The following PHEX variants were observed in gnomAD, a reference collection of about 807,000 sequenced individuals.
PHEX encodes phosphate-regulating neutral endopeptidase PHEX.
Under a neutral mutation model 68.0 loss-of-function variants are expected in PHEX, and 16 were observed. The observed-to-expected ratio is 0.24, with a 90% CI of 0.16 to 0.36. PHEX has a LOEUF of 0.36. PHEX is among the 10% of genes least tolerant of loss of function. PHEX has a pLI of 1.00. For missense variants in PHEX, 480 were observed against 575.5 expected (o/e 0.83, Z 1.70); for synonymous variants, 208 against 205.1 (o/e 1.01, Z -0.12).
At chrX:22,223,514 G>T (rs1381085519) in intron 18 of PHEX, among the ~76,000 whole-genome samples, 1 of 111,935 alleles carries the variant, frequency 8.9e-6, no homozygotes, top group African/African-American at 3.3e-5. Flanking sequence ...GAAGGCCAAG[G>T]TGGGAGGATC....
intron 18 of PHEX, among the ~76,000 whole-genome samples, chrX:22,225,674 C>A (rs1408163257): frequency 2.7e-5 from 3 of 112,340 alleles, no homozygotes; most frequent in Non-Finnish European, 3.8e-5. Context: ...TCATGTGCCA[C>A]CACAATATTA....
rs1012115232 is a variant in PHEX at position 22,212,849 on chromosome X, T to C, written c.1646-55T>C. The C allele has an allele frequency of 1.1e-5, 10 of 916,409 alleles. No homozygotes were observed. In the Admixed American group the frequency reaches 1.3e-4, roughly 12 times the overall value. 75.5% of individuals were successfully genotyped at this position (916,409 alleles called of 1,213,427 possible). ...CCTCAGTGTTATAGCTAGAACCAGGTACTCATCATTGAATCAATCTCTCTA... is the reference window on the plus strand; with the variant it reads ...CCTCAGTGTTATAGCTAGAACCAGGCACTCATCATTGAATCAATCTCTCTA... On this transcript the variant is annotated intron_variant, in intron 15 of 21. Coordinates refer to ENST00000379374, the MANE Select transcript of PHEX (RefSeq NM_000444.6).
In PHEX at chrX:22,249,208, C is replaced by CGTGTGTGTGTGTGTGTGTGTGTGTGT. The variant is rs59496974; in HGVS notation, c.*1262_*1287dup. On this transcript the variant is annotated 3_prime_UTR_variant, in exon 22 of 22. Coordinates refer to ENST00000379374, the MANE Select transcript of PHEX (RefSeq NM_000444.6). ...AGTGAACTCCTTTCTTATTACTGAG[C>CGTGTGTGTGTGTGTGTGTGTGTGTGT]GTGTGTGTGTGTGTGTGTGTGTGTG... 9.3e-5 allele frequency: 8 copies of CGTGTGTGTGTGTGTGTGTGTGTGTGT among 86,050 alleles called. No homozygotes were observed. Among genetic ancestry groups the CGTGTGTGTGTGTGTGTGTGTGTGTGT allele is most frequent in the African/African-American group, 3.9e-4 (8 of 20,418 alleles). 7.1% of individuals were successfully genotyped at this position (86,050 alleles called of 1,213,427 possible).
chrX:22,141,720 G>A (rs770429901), intron 12 of PHEX, among the ~76,000 whole-genome samples: 8 of 111,476 alleles, frequency 7.2e-5, no homozygotes, highest in African/African-American at 2.6e-4. Flanking sequence ...AAAAATCTAT[G>A]CTCATTTAAA....
intron 18 of PHEX, among the ~76,000 whole-genome samples, chrX:22,224,246 G>A (rs1218415877): frequency 8.9e-6 from 1 of 111,857 alleles, no homozygotes; most frequent in Non-Finnish European, 1.9e-5. Context: ...GCCTCCCGAA[G>A]TGCTGGGATT....
At chrX:22,157,804 AG>A (rs1475571866) in intron 12 of PHEX, among the ~76,000 whole-genome samples, 1 of 111,695 alleles carries the variant, frequency 9.0e-6, no homozygotes, top group Non-Finnish European at 1.9e-5. Flanking sequence ...CATGGGGTTG[AG>A]GGTGGATGAC....
intron 18 of PHEX, 144 bp from the exon 19 acceptor site, chrX:22,226,299 T>G: frequency 2.1e-6 from 1 of 484,140 alleles, no homozygotes; most frequent in Non-Finnish European, 3.6e-6. Context: ...TACAATATAT[T>G]ATGCCTACCT....
chrX:22,224,144 G>A lies in PHEX; in HGVS notation c.1900-2299G>A, dbSNP rs745823671. ...ATTACAGGTGCCAGCCACCACGCCT[G>A]GCTGATTTTTGTATTTTTAATAGAT... On this transcript the variant is annotated intron_variant, in intron 18 of 21. Transcript: ENST00000379374. 2.7e-5 allele frequency among the ~76,000 whole-genome samples: 3 copies of A among 111,345 alleles called. No homozygotes were observed. In the South Asian group the frequency reaches 1.2e-3, roughly 43 times the overall value.
At chrX:22,044,871 T>A (rs1410872582) in intron 2 of PHEX, among the ~76,000 whole-genome samples, 1 of 110,856 alleles carries the variant, frequency 9.0e-6, no homozygotes, top group Non-Finnish European at 1.9e-5. Flanking sequence ...TTTATTTTTT[T>A]ATTTTTTTAA....
At chrX:22,235,035 T>G (rs1935923825) in intron 20 of PHEX, among the ~76,000 whole-genome samples, 1 of 110,548 alleles carries the variant, frequency 9.0e-6, no homozygotes, top group Non-Finnish European at 1.9e-5. Context: ...TGGACTGGAG[T>G]GCACGGTTCC....
In PHEX at chrX:22,232,714, C is replaced by T. The variant is rs1004773606; in HGVS notation, c.2070+5103C>T. Among the ~76,000 whole-genome samples, 13 of 102,573 alleles carry T rather than the reference C, an allele frequency of 1.3e-4. No individual in the cohort carries two copies. In the East Asian group the frequency reaches 3.9e-3, roughly 30 times the overall value. 89.1% of individuals were successfully genotyped at this position (102,573 alleles called of 115,157 possible). A position where few individuals can be genotyped will look rare whatever the true frequency, so the allele number is the denominator to read the frequency against. The stretch of plus-strand genomic sequence containing the variant: ...TTTCTTTGCATGTGAGATGGGTTTC[C>T]TGAATACAGCACATTGATAGTTCTT... On this transcript the variant is annotated intron_variant, in intron 20 of 21. Transcript: ENST00000379374.
At chrX:22,223,961 C>T (rs1483793909) in intron 18 of PHEX, among the ~76,000 whole-genome samples, 3 of 112,367 alleles carry the variant, frequency 2.7e-5, no homozygotes, top group African/African-American at 9.7e-5. Context: ...TCACTAGAAG[C>T]AGAGCCCAAG....
chrX:22,147,006 A>G (rs1932729595), intron 12 of PHEX, among the ~76,000 whole-genome samples: 1 of 111,188 alleles, frequency 9.0e-6, no homozygotes, highest in African/African-American at 3.3e-5. Flanking sequence ...CTTTGAAAGC[A>G]GTTGGGAAAT....
At chrX:22,174,763 C>G (rs979723251) in intron 13 of PHEX, among the ~76,000 whole-genome samples, 1 of 112,005 alleles carries the variant, frequency 8.9e-6, no homozygotes, top group South Asian at 3.7e-4. Flanking sequence ...GGTACACCAA[C>G]CTTTACAGTA....
At chrX:22,126,906 C>T (rs1931757855) in intron 11 of PHEX, among the ~76,000 whole-genome samples, 1 of 75,953 alleles carries the variant, frequency 1.3e-5, no homozygotes, top group South Asian at 1.0e-3. Flanking sequence ...GAGTCTTGCT[C>T]TGTCACCCAG....
At chrX:22,084,106 C>G (rs143114575) in intron 5 of PHEX, among the ~76,000 whole-genome samples, 1,635 of 111,446 alleles carry the variant, frequency 0.015, 32 homozygotes, top group African/African-American at 0.05. Flanking sequence ...GATTTTTGTT[C>G]CTGGTTCTGT....
intron 14 of PHEX, among the ~76,000 whole-genome samples, chrX:22,190,098 T>C (rs755687618): frequency 8.9e-6 from 1 of 112,725 alleles, no homozygotes; most frequent in South Asian, 3.7e-4. Context: ...CTGGCAAATA[T>C]ATAGTTGCTG....
chrX:22,066,184 A>G (rs955047432), intron 3 of PHEX, among the ~76,000 whole-genome samples: 2 of 111,900 alleles, frequency 1.8e-5, no homozygotes, highest in Admixed American at 1.9e-4. Context: ...ATGTTGAGGG[A>G]TGTAATGAGC....
At chrX:22,177,978 T>C (rs143470213) in intron 13 of PHEX, among the ~76,000 whole-genome samples, 1 of 112,424 alleles carries the variant, frequency 8.9e-6, no homozygotes, top group Admixed American at 9.5e-5. Flanking sequence ...AAGGTTGAAG[T>C]AGATTTTTCA....
Sources: allele counts gnomAD v4.1 joint callset (sites outside exome capture counted in the v4.1 genomes callset), GRCh38; gene constraint gnomAD v4.1.1; transcripts MANE v1.5; gene names NCBI Gene and HGNC (gene_info 2026-07-23, HGNC 2026-07-21).